The following IL1RAPL1 variants were observed in gnomAD, a reference collection of about 807,000 sequenced individuals.
IL1RAPL1 encodes interleukin 1 receptor accessory protein like 1.
In IL1RAPL1, 3 loss-of-function variants were observed where a neutral mutation model predicts 48.4. That is an observed-to-expected ratio of 0.06 (90% CI 0.03 to 0.16). IL1RAPL1 has a LOEUF of 0.16. Among genes scored for constraint, IL1RAPL1 ranks in the 10% least tolerant of loss-of-function variants. IL1RAPL1 has a pLI of 1.00. For missense variants in IL1RAPL1, 349 were observed against 530.6 expected (o/e 0.66, Z 3.36); for synonymous variants, 185 against 187.7 (o/e 0.99, Z 0.12).
chrX:29,225,076 A>G (rs933499871), intron 2 of IL1RAPL1, among the ~76,000 whole-genome samples: 2 of 111,851 alleles, frequency 1.8e-5, no homozygotes, highest in Middle Eastern at 4.6e-3. Context: ...TATGCTCTCC[A>G]TTGCTGGCAG....
intron 5 of IL1RAPL1, among the ~76,000 whole-genome samples, chrX:29,590,924 T>C (rs973888550): frequency 8.9e-6 from 1 of 112,530 alleles, no homozygotes; most frequent in Non-Finnish European, 1.9e-5. Flanking sequence ...TAACGTGCCA[T>C]AGCCATAAAC....
chrX:28,969,017 TATC>T (rs1309521224), intron 2 of IL1RAPL1, among the ~76,000 whole-genome samples: 1 of 112,542 alleles, frequency 8.9e-6, no homozygotes, highest in Non-Finnish European at 1.9e-5. Context: ...CTGTCTATCT[TATC>T]ATTCATTCAG....
intron 5 of IL1RAPL1, among the ~76,000 whole-genome samples, chrX:29,420,392 A>G (rs1024743149): frequency 4.4e-5 from 5 of 112,471 alleles, no homozygotes; most frequent in African/African-American, 1.6e-4. Context: ...TTCTTTCTAC[A>G]CGGTTTCTCC....
At chrX:28,632,105 A>G (rs1454194920) in intron 1 of IL1RAPL1, among the ~76,000 whole-genome samples, 1 of 112,479 alleles carries the variant, frequency 8.9e-6, no homozygotes, top group East Asian at 2.8e-4. Context: ...ATAATAAAAT[A>G]CCACAGAATG....
intron 10 of IL1RAPL1, 25 bp downstream of exon 10, chrX:29,954,717 G>C: frequency 9.0e-7 from 1 of 1,110,396 alleles, no homozygotes; most frequent in Non-Finnish European, 1.2e-6. Flanking sequence ...TCATTTGAGA[G>C]TGTGCATATT....
rs149672985 is a variant in IL1RAPL1 at position 29,835,289 on chromosome X, T to C, written c.779-82175T>C. On this transcript the variant is annotated intron_variant, in intron 6 of 10. Coordinates refer to ENST00000378993, the MANE Select transcript of IL1RAPL1 (RefSeq NM_014271.4). ...TATTTATCATGTACAACATGATGTT[T>C]TGAAGTATATATACAATGTAGCATG... Among the ~76,000 whole-genome samples, 8 of 112,127 alleles carry C rather than the reference T, an allele frequency of 7.1e-5. No homozygotes were observed. In the East Asian group the frequency reaches 8.4e-4, roughly 12 times the overall value.
At chrX:29,925,119 CT>C (rs1336445432) in intron 8 of IL1RAPL1, among the ~76,000 whole-genome samples, 1 of 111,170 alleles carries the variant, frequency 9.0e-6, no homozygotes, top group African/African-American at 3.3e-5. Context: ...CATTTGACGT[CT>C]TTGACCATTG....
At chrX:28,981,508 TA>T (rs781450231) in intron 2 of IL1RAPL1, among the ~76,000 whole-genome samples, 91 of 111,969 alleles carry the variant, frequency 8.1e-4, no homozygotes, top group Admixed American at 2.2e-3. Flanking sequence ...ATTAAGGCAT[TA>T]AAAATGTTTG....
At chrX:29,024,727 T>G (rs966304598) in intron 2 of IL1RAPL1, among the ~76,000 whole-genome samples, 9 of 111,963 alleles carry the variant, frequency 8.0e-5, no homozygotes, top group African/African-American at 2.9e-4. Context: ...TGTCAGTATC[T>G]ATTATCCAGT....
chrX:29,608,543 G>T (rs969938491), intron 5 of IL1RAPL1, among the ~76,000 whole-genome samples: 2 of 111,378 alleles, frequency 1.8e-5, no homozygotes, highest in Non-Finnish European at 3.8e-5. Flanking sequence ...ATAAGAGGAG[G>T]AGGCCGGGCG....
At chrX:29,182,082 G>GA (rs1333999053) in intron 2 of IL1RAPL1, among the ~76,000 whole-genome samples, 4 of 101,311 alleles carry the variant, frequency 3.9e-5, no homozygotes, top group Admixed American at 2.2e-4. Flanking sequence ...CATGTTATTA[G>GA]AGAGTTGGAA....
At chrX:29,081,020 C>CTCTCTCTCTTTCTTTTCTTTTCT (rs1555960745) in intron 2 of IL1RAPL1, among the ~76,000 whole-genome samples, 3 of 41,914 alleles carry the variant, frequency 7.2e-5, no homozygotes, top group East Asian at 9.0e-4. Flanking sequence ...CTCTCTCTCT[C>CTCTCTCTCTTTCTTTTCTTTTCT]TTTCTTTTCT....
intron 2 of IL1RAPL1, among the ~76,000 whole-genome samples, chrX:29,156,966 A>C (rs969386595): frequency 1.8e-5 from 2 of 111,965 alleles, no homozygotes; most frequent in Non-Finnish European, 3.8e-5. Flanking sequence ...ATTTTGTTCT[A>C]TTTTTAAGGA....
intron 3 of IL1RAPL1, among the ~76,000 whole-genome samples, chrX:29,337,637 A>G (rs933354438): frequency 1.8e-5 from 2 of 111,749 alleles, no homozygotes; most frequent in African/African-American, 6.5e-5. Flanking sequence ...TAAATAAGAT[A>G]CTATACACAA....
intron 2 of IL1RAPL1, among the ~76,000 whole-genome samples, chrX:29,230,525 A>C (rs995712270): frequency 2.0e-5 from 2 of 98,241 alleles, no homozygotes; most frequent in South Asian, 4.6e-4. Context: ...AAAAAAAAAA[A>C]AAAAAAAAAA....
At chrX:29,545,542 T>G (rs1921599682) in intron 5 of IL1RAPL1, among the ~76,000 whole-genome samples, 1 of 111,686 alleles carries the variant, frequency 9.0e-6, no homozygotes, top group African/African-American at 3.3e-5. Context: ...TACTTGTGAC[T>G]TCTTGTGTTT....
chrX:29,217,775 TCTCA>T (rs750631017), intron 2 of IL1RAPL1, among the ~76,000 whole-genome samples: 9,983 of 67,729 alleles, frequency 0.15, 574 homozygotes, highest in East Asian at 0.24. Context: ...TCTCTCTCTC[TCTCA>T]CACACACACA....
intron 2 of IL1RAPL1, among the ~76,000 whole-genome samples, chrX:29,153,326 T>G (rs225046): frequency 0.46 from 51,083 of 110,707 alleles, 8,910 homozygotes; most frequent in Non-Finnish European, 0.55. Flanking sequence ...CCCCTTTGCC[T>G]TATAAGGTAA....
In IL1RAPL1 at chrX:29,326,569, A is replaced by C. The variant is rs1932843886; in HGVS notation, c.362+43352A>C. 2.7e-5 allele frequency among the ~76,000 whole-genome samples: 3 copies of C among 112,486 alleles called. No individual in the cohort carries two copies. In the South Asian group the frequency reaches 1.1e-3, roughly 41 times the overall value. ...TATTGAGAATGCATTGTTCTATGTC[A>C]TAGCCCTCATTATTTCATTAAATGA... On this transcript the variant is annotated intron_variant, in intron 3 of 10. Coordinates refer to ENST00000378993, the MANE Select transcript of IL1RAPL1 (RefSeq NM_014271.4).
Sources: gnomAD v4.1 joint callset for allele counts (sites outside exome capture counted in the v4.1 genomes callset) on GRCh38, gnomAD v4.1.1 for gene constraint, MANE v1.5 for transcripts, NCBI Gene and HGNC (gene_info 2026-07-23, HGNC 2026-07-21) for gene names.